The following NAALADL2 variants were observed in gnomAD, a reference collection of about 807,000 sequenced individuals.
NAALADL2 encodes the protein inactive N-acetylated-alpha-linked acidic dipeptidase-like protein 2.
Under a neutral mutation model 87.2 loss-of-function variants are expected in NAALADL2, and 76 were observed. The ratio of observed to expected loss-of-function variants is 0.87; its 90% CI spans 0.72 to 1.05. The LOEUF (loss-of-function observed/expected upper bound fraction) is 1.05. Ranked by LOEUF, NAALADL2 falls within the 50% of genes least tolerant of loss-of-function variation. The pLI is 0.00. For synonymous variants in NAALADL2, 354 were observed against 331.0 expected (o/e 1.07, Z -0.75); for missense variants, 1,089 against 945.8 (o/e 1.15, Z -1.99).
At chr3:175,673,048 T>C (rs1734226156) in intron 11 of NAALADL2, among the ~76,000 whole-genome samples, 1 of 152,188 alleles carries the variant, frequency 6.6e-6, no homozygotes, top group South Asian at 2.1e-4. Context: ...TAATCTTTCA[T>C]ATTGAGCCTA....
chr3:174,704,614 T>TA (rs1729885357), intron 2 of NAALADL2, among the ~76,000 whole-genome samples: 1 of 150,902 alleles, frequency 6.6e-6, no homozygotes, highest in Non-Finnish European at 1.5e-5. Flanking sequence ...GAAGATAGAT[T>TA]AAAAAAACTT....
Position 174,967,506 on chromosome 3 carries a change from G to T in NAALADL2, c.43+108056G>T, listed in dbSNP as rs375844421. 3.3e-5 allele frequency among the ~76,000 whole-genome samples: 5 copies of T among 152,110 alleles called. No individual in the cohort carries two copies. In the East Asian group the frequency reaches 5.8e-4, roughly 18 times the overall value. On this transcript the variant is annotated intron_variant, in intron 1 of 13. Coordinates refer to ENST00000454872, the MANE Select transcript of NAALADL2 (RefSeq NM_207015.3). ...CTGTTTCTCTACCTCCATAATTTGG[G>T]CTGGCTCTGTGACTTGCCTTGACCA...
At chr3:174,836,039 G>T (rs1275807160) in intron 3 of NAALADL2, among the ~76,000 whole-genome samples, 1 of 152,126 alleles carries the variant, frequency 6.6e-6, no homozygotes, top group Non-Finnish European at 1.5e-5. Flanking sequence ...TGAGATCTTT[G>T]TACACTCATG....
intron 1 of NAALADL2, among the ~76,000 whole-genome samples, chr3:174,456,411 C>CCAAAA (rs1715834641): frequency 1.8e-5 from 1 of 56,398 alleles, no homozygotes; most frequent in East Asian, 5.6e-4. Flanking sequence ...CAATCCTAAG[C>CCAAAA]AAAAAAAAAA....
intron 10 of NAALADL2, among the ~76,000 whole-genome samples, chr3:175,621,236 C>T (rs1726194922): frequency 6.6e-6 from 1 of 152,170 alleles, no homozygotes; most frequent in African/African-American, 2.4e-5. Context: ...CGCTATCATA[C>T]ACATGTCACC....
chr3:174,850,806 G>T (rs999669708), intron 3 of NAALADL2, among the ~76,000 whole-genome samples: 1 of 152,010 alleles, frequency 6.6e-6, no homozygotes, highest in African/African-American at 2.4e-5. Context: ...AATGCAGAAT[G>T]CACATTCTTC....
chr3:175,582,388 A>C (rs899611310), intron 10 of NAALADL2, among the ~76,000 whole-genome samples: 1 of 152,204 alleles, frequency 6.6e-6, no homozygotes, highest in Non-Finnish European at 1.5e-5. Flanking sequence ...ATTCTAAATG[A>C]CTATATCATT....
In NAALADL2 at chr3:175,803,882, T is replaced by G. The variant is rs543428438; in HGVS notation, c.*679T>G. ...AATGCAAATTTTTTTCCTAACAACT[T>G]ACAAGGTGACTAGCTTTGAAACCCC... On this transcript the variant is annotated 3_prime_UTR_variant, in exon 14 of 14. Coordinates refer to ENST00000454872, the MANE Select transcript of NAALADL2 (RefSeq NM_207015.3). 4 of 152,494 alleles carry G rather than the reference T, an allele frequency of 2.6e-5. No individual in the cohort carries two copies. Among genetic ancestry groups the G allele is most frequent in the African/African-American group, 9.6e-5 (4 of 41,538 alleles). 9.4% of individuals were successfully genotyped at this position (152,494 alleles called of 1,614,324 possible). A position where few individuals can be genotyped will look rare whatever the true frequency, so the allele number is the denominator to read the frequency against.
chr3:175,590,080 C>T (rs1205919681), intron 10 of NAALADL2, among the ~76,000 whole-genome samples: 4 of 151,832 alleles, frequency 2.6e-5, no homozygotes, highest in Admixed American at 2.0e-4. Flanking sequence ...GGCGTGGTGG[C>T]GGGCGACTGT....
chr3:175,167,874 G>A (rs941206056), intron 2 of NAALADL2, among the ~76,000 whole-genome samples: 1 of 151,950 alleles, frequency 6.6e-6, no homozygotes, highest in Middle Eastern at 3.2e-3. Context: ...TTTTGCAGCA[G>A]CAGTTGTCAT....
At chr3:174,855,980 GTATATATATATA>G (rs57039020), upstream of NAALADL2, among the ~76,000 whole-genome samples, 13 of 142,908 alleles carry the variant, frequency 9.1e-5, no homozygotes, top group African/African-American at 3.2e-4. Flanking sequence ...GTGTGTGTGT[GTATATATATATA>G]TATATATATA....
At chr3:175,438,179 C>T (rs1020167003) in intron 5 of NAALADL2, among the ~76,000 whole-genome samples, 1 of 152,054 alleles carries the variant, frequency 6.6e-6, no homozygotes, top group Non-Finnish European at 1.5e-5. Flanking sequence ...TAGCACAAAG[C>T]ATTTTTAAAG....
In NAALADL2 at chr3:175,164,072, G is replaced by A. The variant is rs573980633; in HGVS notation, c.545+66781G>A. 1.4e-4 allele frequency among the ~76,000 whole-genome samples: 21 copies of A among 152,198 alleles called. No individual in the cohort carries two copies. The South Asian group carries it at 4.1e-3, about 30-fold the overall frequency. ...GTGATTGCATGTCCTAACATGCATC[G>A]TAGTATTTTCTTTTTTAATTTTAAG... On this transcript the variant is annotated intron_variant, in intron 2 of 13. Transcript: ENST00000454872.
rs1477860442 is a variant in NAALADL2 at position 175,069,833 on chromosome 3, T to A, written c.44-26957T>A. Among the ~76,000 whole-genome samples the A allele has an allele frequency of 2.7e-5, 4 of 149,130 alleles. No individual in the cohort carries two copies. In the Admixed American group the frequency reaches 2.7e-4, roughly 10 times the overall value. ...TACACCATGGAATACTATGCAGCCA[T>A]AAAAAATGATGAGTTCATGTCCTTT... On this transcript the variant is annotated intron_variant, in intron 1 of 13. Transcript: ENST00000454872.
At chr3:175,303,136 C>T (rs913437869) in intron 4 of NAALADL2, among the ~76,000 whole-genome samples, 3 of 151,824 alleles carry the variant, frequency 2.0e-5, no homozygotes, top group East Asian at 1.9e-4. Flanking sequence ...TGAAAACAGA[C>T]GTAGTTTTGT....
intron 10 of NAALADL2, among the ~76,000 whole-genome samples, chr3:175,594,271 T>G (rs1412576691): frequency 6.6e-6 from 1 of 152,168 alleles, no homozygotes; most frequent in Non-Finnish European, 1.5e-5. Context: ...GTTCCTGCAT[T>G]AATTCATTTA....
At chr3:174,503,519 G>T (rs940721558) in intron 1 of NAALADL2, among the ~76,000 whole-genome samples, 4 of 151,966 alleles carry the variant, frequency 2.6e-5, no homozygotes, top group African/African-American at 9.7e-5. Flanking sequence ...AAATATAATT[G>T]TCCAAACTCT....
At chr3:174,907,483 T>G (rs949713092) in intron 1 of NAALADL2, among the ~76,000 whole-genome samples, 8 of 152,092 alleles carry the variant, frequency 5.3e-5, no homozygotes, top group Non-Finnish European at 7.3e-5. Flanking sequence ...ATAGTTCATT[T>G]GTACTAATAT....
chr3:175,349,306 T>C (rs1451692734), intron 5 of NAALADL2, among the ~76,000 whole-genome samples: 1 of 151,514 alleles, frequency 6.6e-6, no homozygotes, highest in African/African-American at 2.4e-5. Context: ...GCAACAACTA[T>C]GTGGATAAGA....
Sources: allele counts gnomAD v4.1 joint callset (sites outside exome capture counted in the v4.1 genomes callset), GRCh38; gene constraint gnomAD v4.1.1; transcripts MANE v1.5; gene names NCBI Gene and HGNC (gene_info 2026-07-23, HGNC 2026-07-21).